Variants in WARS1 observed in about 807,000 individuals in gnomAD.
The protein encoded by WARS1 is tryptophanyl-tRNA synthetase 1.
In WARS1, 17 loss-of-function variants were observed where a neutral mutation model predicts 47.8. That is an observed-to-expected ratio of 0.36 (90% confidence interval 0.24 to 0.53). The LOEUF is 0.53. Ranked by LOEUF, WARS1 falls within the 20% of genes least tolerant of loss-of-function variation. The pLI, the probability that WARS1 is intolerant of heterozygous loss-of-function variation, is 0.91. For missense variants in WARS1, 434 were observed against 608.0 expected (o/e 0.71, Z 3.01); for synonymous variants, 208 against 228.1 (o/e 0.91, Z 0.79).
At chr14:100,346,882 G>C in intron 6 of WARS1, 36 bp from the exon 7 acceptor site, 1 of 1,586,962 alleles carries the variant, frequency 6.3e-7, no homozygotes, top group Non-Finnish European at 8.7e-7. Flanking sequence ...CCAAACGGAG[G>C]GCGGCCTTCA....
intron 6 of WARS1, among the ~76,000 whole-genome samples, chr14:100,351,675 C>T (rs1894990516): frequency 6.6e-6 from 1 of 152,072 alleles, no homozygotes; most frequent in South Asian, 2.1e-4. Context: ...GCTCACATGG[C>T]TGAACCAAGA....
chr14:100,365,731 T>C (rs1356219088), intron 2 of WARS1, among the ~76,000 whole-genome samples: 88 of 103,058 alleles, frequency 8.5e-4, no homozygotes, highest in African/African-American at 3.4e-3. Flanking sequence ...AGATCTTCTT[T>C]TTTTTTTTTT....
intron 1 of WARS1, chr14:100,374,863 A>C (rs1896556402): frequency 6.6e-6 from 1 of 152,010 alleles, no homozygotes; most frequent in Non-Finnish European, 1.5e-5. Context: ...ATCATGTTCC[A>C]TTTTTTTTAA....
At chr14:100,343,547 ATG>A (rs774014791) in intron 7 of WARS1, among the ~76,000 whole-genome samples, 160 bp from the exon 8 acceptor site, 5 of 152,108 alleles carry the variant, frequency 3.3e-5, no homozygotes, top group Non-Finnish European at 7.4e-5. Flanking sequence ...TACAGTTGCA[ATG>A]TGTCTGATTT....
At chr14:100,369,918 C>T (rs2400908) in intron 1 of WARS1, among the ~76,000 whole-genome samples, 3,928 of 21,120 alleles carry the variant, frequency 0.19, 170 homozygotes, top group African/African-American at 0.26. Context: ...CTCACTTCAG[C>T]CTCCCGAAAG....
Position 100,336,812 on chromosome 14 carries a change from C to T in WARS1, c.1254+250G>A. On this transcript the variant is annotated intron_variant, in intron 10 of 10. Coordinates refer to ENST00000392882, the MANE Select transcript of WARS1 (RefSeq NM_004184.4). ...ACGTTAACTTACATTTCTCTGATGA[C>T]TAATAAAGCAAGACTGTTTTGGGTG... is the stretch of plus-strand genomic sequence containing the variant. 9.3e-6 allele frequency: 4 copies of T among 428,544 alleles called. No homozygotes were observed. In the South Asian group the frequency reaches 2.0e-4, roughly 21 times the overall value. 26.5% of individuals were successfully genotyped at this position (428,544 alleles called of 1,614,324 possible).
chr14:100,336,561 G>A (rs1893748174), intron 10 of WARS1, among the ~76,000 whole-genome samples: 1 of 152,134 alleles, frequency 6.6e-6, no homozygotes, highest in Admixed American at 6.5e-5. Context: ...CTCTTACTCA[G>A]GATTATTTCC....
chr14:100,335,874 A>C (rs1249545017), intron 10 of WARS1, among the ~76,000 whole-genome samples: 3 of 151,952 alleles, frequency 2.0e-5, no homozygotes, highest in African/African-American at 7.3e-5. Context: ...TTCCCTGTGC[A>C]TTTCATTTAA....
chr14:100,366,801 A>G, intron 2 of WARS1: 2 of 1,403,924 alleles, frequency 1.4e-6, no homozygotes, highest in East Asian at 4.6e-5. Context: ...GGCTTTGCAA[A>G]GAGTGTTTCC....
chr14:100,362,123 C>T (rs1306413506), intron 2 of WARS1, among the ~76,000 whole-genome samples: 2 of 152,174 alleles, frequency 1.3e-5, no homozygotes, highest in East Asian at 1.9e-4. Flanking sequence ...AGGAGCTTAC[C>T]CATAGAATCA....
At chr14:100,371,024 A>G (rs1896316436) in intron 1 of WARS1, among the ~76,000 whole-genome samples, 1 of 152,262 alleles carries the variant, frequency 6.6e-6, no homozygotes, top group African/African-American at 2.4e-5. Context: ...AGACTCTAGT[A>G]GTTTGACTCT....
At chr14:100,367,372 G>C (rs1896060763) in intron 2 of WARS1, among the ~76,000 whole-genome samples, 2 of 152,086 alleles carry the variant, frequency 1.3e-5, no homozygotes, top group East Asian at 1.9e-4. Flanking sequence ...GGCAGATCAT[G>C]AGGTCAGGAG....
Position 100,343,248 on chromosome 14 carries a change from G to C in WARS1, c.939+27C>G, listed in dbSNP as rs766477277. 1.9e-6 allele frequency: 3 copies of C among 1,580,308 alleles called. No homozygotes were observed. The South Asian group carries it at 3.4e-5, about 18-fold the overall frequency. On this transcript the variant is annotated intron_variant, in intron 8 of 10. Coordinates refer to ENST00000392882, the MANE Select transcript of WARS1 (RefSeq NM_004184.4). ...ACCTGCTGTCAATGCCCCAGACTTAGAGAGCCTTGCTTTTCTGCCTGCTGA... is the reference window on the plus strand; with the variant it reads ...ACCTGCTGTCAATGCCCCAGACTTACAGAGCCTTGCTTTTCTGCCTGCTGA...
intron 10 of WARS1, among the ~76,000 whole-genome samples, chr14:100,335,693 C>T (rs971158453): frequency 6.6e-6 from 1 of 152,126 alleles, no homozygotes; most frequent in African/African-American, 2.4e-5. Context: ...CCAAATCTTG[C>T]TAATTTTTTC....
chr14:100,367,908 AT>A (rs1051770612), intron 2 of WARS1, among the ~76,000 whole-genome samples: 1 of 151,968 alleles, frequency 6.6e-6, no homozygotes, highest in African/African-American at 2.4e-5. Context: ...CCTTTGCAAT[AT>A]TTTTTTCAGA....
chr14:100,359,096 A>G (rs1320356045), intron 4 of WARS1, among the ~76,000 whole-genome samples: 1 of 152,244 alleles, frequency 6.6e-6, no homozygotes, highest in Non-Finnish European at 1.5e-5. Context: ...CAGTTGCTGT[A>G]GAAAAGTCTG....
At chr14:100,337,003 C>T in intron 10 of WARS1, 59 bp downstream of exon 10, 1 of 1,591,396 alleles carries the variant, frequency 6.3e-7, no homozygotes, top group East Asian at 2.3e-5. Flanking sequence ...CCTTCCAGGC[C>T]CCATGGGCAG....
intron 5 of WARS1, 193 bp downstream of exon 5, chr14:100,354,254 C>T (rs1392720582): frequency 1.4e-6 from 1 of 710,690 alleles, no homozygotes; most frequent in Non-Finnish European, 2.2e-6. Context: ...AAGCTGCGCT[C>T]TCCCCATCAC....
rs1039878826 is a variant in WARS1 at position 100,343,395 on chromosome 14, T to C, written c.827-8A>G. 1 of 1,605,508 alleles carries C rather than the reference T, an allele frequency of 6.2e-7. No individual in the cohort carries two copies. The highest frequency in any genetic ancestry group is 1.3e-5 in the African/African-American group (1 of 74,634). On this transcript the variant is annotated splice_region_variant and splice_polypyrimidine_tract_variant and intron_variant, in intron 7 of 10. Transcript: ENST00000392882. Reference sequence around the variant, plus strand: ...CAGGAAAACTGATCTTCCCTGAAAATGAGAAAAAGTATTTTTACACGTGAG... The same window carrying C: ...CAGGAAAACTGATCTTCCCTGAAAACGAGAAAAAGTATTTTTACACGTGAG...
Sources: gnomAD v4.1 joint callset for allele counts (sites outside exome capture counted in the v4.1 genomes callset) on GRCh38, gnomAD v4.1.1 for gene constraint, MANE v1.5 for transcripts, NCBI Gene and HGNC (gene_info 2026-07-23, HGNC 2026-07-21) for gene names.